Variants in FBXW7 observed in about 807,000 individuals in gnomAD.
FBXW7 encodes the protein F-box and WD repeat domain containing 7.
FBXW7 carries 11 observed loss-of-function variants against 86.3 expected under a neutral mutation model. The ratio of observed to expected loss-of-function variants is 0.13; its 90% CI spans 0.08 to 0.21. FBXW7 has a LOEUF of 0.21. FBXW7 is among the 10% of genes least tolerant of loss of function. FBXW7 has a pLI of 1.00. For synonymous variants in FBXW7, 313 were observed against 297.9 expected (o/e 1.05, Z -0.52); for missense variants, 488 against 847.4 (o/e 0.58, Z 5.27).
chr4:152,524,125 C>T (rs2053726284), intron 2 of FBXW7, among the ~76,000 whole-genome samples: 2 of 152,172 alleles, frequency 1.3e-5, no homozygotes, highest in Non-Finnish European at 2.9e-5. Flanking sequence ...TAAAGGCTTA[C>T]ATGCATTATC....
At chr4:152,411,230 T>C (rs2126875183) in intron 4 of FBXW7, 73 bp downstream of exon 4, 2 of 1,458,806 alleles carry the variant, frequency 1.4e-6, no homozygotes, top group Non-Finnish European at 9.1e-7. Flanking sequence ...ACAAAGACTG[T>C]GAGGAAAGTT....
At chr4:152,350,007 G>T (rs755094553) in intron 5 of FBXW7, 35 bp downstream of exon 5, 3 of 1,208,004 alleles carry the variant, frequency 2.5e-6, no homozygotes, top group South Asian at 3.2e-5. Flanking sequence ...CTAAAAAACT[G>T]AGAATCATGA....
At chr4:152,516,071 A>G (rs1748461410) in intron 2 of FBXW7, among the ~76,000 whole-genome samples, 1 of 152,222 alleles carries the variant, frequency 6.6e-6, no homozygotes, top group South Asian at 2.1e-4. Flanking sequence ...CCAGAGCCTC[A>G]GAAGAGATAG....
chr4:152,433,932 A>T (rs1740140845), intron 2 of FBXW7, among the ~76,000 whole-genome samples: 1 of 152,244 alleles, frequency 6.6e-6, no homozygotes, highest in Non-Finnish European at 1.5e-5. Context: ...AAGTAACAGA[A>T]TACAGTTGTC....
At chr4:152,505,764 T>TA (rs1404512955) in intron 2 of FBXW7, among the ~76,000 whole-genome samples, 1 of 148,084 alleles carries the variant, frequency 6.8e-6, no homozygotes, top group African/African-American at 2.5e-5. Context: ...TTTTTTGAGG[T>TA]AGAGTCTCAC....
At chr4:152,339,918 G>C (rs1450395355) in intron 6 of FBXW7, among the ~76,000 whole-genome samples, 2 of 103,422 alleles carry the variant, frequency 1.9e-5, no homozygotes, top group Admixed American at 1.3e-4. Context: ...GCGAGGCTTT[G>C]TCTCAAAAAA....
chr4:152,413,767 C>G lies in FBXW7; in HGVS notation c.-119-1238G>C, dbSNP rs1157135510. Among the ~76,000 whole-genome samples, 3 of 152,112 alleles carry G rather than the reference C, an allele frequency of 2.0e-5. No homozygotes were observed. The East Asian group carries it at 5.8e-4, about 29-fold the overall frequency. On this transcript the variant is annotated intron_variant, in intron 2 of 13. Transcript: ENST00000281708. ...ATAATGTTTAGAATAATGTCTCTTT[C>G]AAGTTAACCAATGACATTTCATCTT...
chr4:152,426,531 G>T (rs1226076336), intron 2 of FBXW7, among the ~76,000 whole-genome samples: 1 of 152,000 alleles, frequency 6.6e-6, no homozygotes, highest in Non-Finnish European at 1.5e-5. Flanking sequence ...TGCATTTTTA[G>T]TAGAGACAGG....
intron 2 of FBXW7, among the ~76,000 whole-genome samples, chr4:152,418,753 A>C (rs1364275226): frequency 6.6e-6 from 1 of 152,180 alleles, no homozygotes; most frequent in Non-Finnish European, 1.5e-5. Flanking sequence ...AATTTCTCGC[A>C]CATATGAACA....
At chr4:152,417,611 G>A (rs1326872049) in intron 2 of FBXW7, among the ~76,000 whole-genome samples, 1 of 152,082 alleles carries the variant, frequency 6.6e-6, no homozygotes. Flanking sequence ...AGAAGCCCCC[G>A]TAGGTCAAAG....
chr4:152,482,320 T>C (rs1744953625), intron 2 of FBXW7, among the ~76,000 whole-genome samples: 1 of 152,230 alleles, frequency 6.6e-6, no homozygotes, highest in East Asian at 1.9e-4. Context: ...TACAATATTG[T>C]ATAAACATAA....
At chr4:152,376,588 A>G (rs1734541558) in intron 4 of FBXW7, among the ~76,000 whole-genome samples, 1 of 152,164 alleles carries the variant, frequency 6.6e-6, no homozygotes, top group African/African-American at 2.4e-5. Context: ...GAATGAGAAG[A>G]TTAAAATTTT....
intron 2 of FBXW7, among the ~76,000 whole-genome samples, chr4:152,462,332 A>G (rs1743024510): frequency 1.3e-5 from 2 of 152,212 alleles, no homozygotes; most frequent in South Asian, 4.1e-4. Flanking sequence ...TGTACTGTCA[A>G]AAAAAGAAGC....
intron 4 of FBXW7, among the ~76,000 whole-genome samples, chr4:152,371,776 T>C (rs1420836410): frequency 6.6e-6 from 1 of 152,000 alleles, no homozygotes; most frequent in Non-Finnish European, 1.5e-5. Flanking sequence ...TGCCTAGAAC[T>C]GGGCCTGGCT....
chr4:152,412,560 G>T (rs1008406556), intron 2 of FBXW7, 31 bp from the exon 3 acceptor site: 1 of 151,616 alleles, frequency 6.6e-6, no homozygotes, highest in African/African-American at 2.4e-5. Context: ...TTATACAGAG[G>T]ATGCTCACTG....
intron 2 of FBXW7, among the ~76,000 whole-genome samples, chr4:152,432,966 T>C (rs1014848820): frequency 3.9e-5 from 6 of 152,234 alleles, no homozygotes; most frequent in Admixed American, 3.9e-4. Context: ...CATTTTTATA[T>C]GATGTTTATA....
chr4:152,363,520 C>T (rs932774163), intron 4 of FBXW7, among the ~76,000 whole-genome samples: 1 of 152,098 alleles, frequency 6.6e-6, no homozygotes, highest in African/African-American at 2.4e-5. Flanking sequence ...TCAAGAAATG[C>T]ACATGGCAAT....
At chr4:152,457,478 T>TA (rs1187821012) in intron 2 of FBXW7, among the ~76,000 whole-genome samples, 4 of 151,718 alleles carry the variant, frequency 2.6e-5, no homozygotes, top group Non-Finnish European at 4.4e-5. Flanking sequence ...CCATCTCTGC[T>TA]AAAAATACAA....
intron 4 of FBXW7, among the ~76,000 whole-genome samples, chr4:152,377,214 G>A (rs1734629587): frequency 6.6e-6 from 1 of 152,112 alleles, no homozygotes; most frequent in Admixed American, 6.6e-5. Context: ...CCAGCGTTCC[G>A]AACTACCTGG....
Sources: allele counts gnomAD v4.1 joint callset (sites outside exome capture counted in the v4.1 genomes callset), GRCh38; gene constraint gnomAD v4.1.1; transcripts MANE v1.5; gene names NCBI Gene and HGNC (gene_info 2026-07-23, HGNC 2026-07-21).